The following ELMO1 variants were observed in gnomAD, a reference collection of about 807,000 sequenced individuals.
The protein encoded by ELMO1 is engulfment and cell motility 1.
In ELMO1, 26 loss-of-function variants were observed where a neutral mutation model predicts 98.9. The observed-to-expected ratio is 0.26, with a 90% CI of 0.19 to 0.36. The LOEUF is 0.36. Among genes scored for constraint, ELMO1 ranks in the 10% least tolerant of loss-of-function variants. The pLI is 1.00. For synonymous variants in ELMO1, 346 were observed against 346.0 expected (o/e 1.00, Z 0.00); for missense variants, 627 against 935.2 (o/e 0.67, Z 4.30).
chr7:37,261,992 C>T lies in ELMO1; in HGVS notation c.244-2642G>A, dbSNP rs546243843. Among the ~76,000 whole-genome samples the T allele has an allele frequency of 2.6e-5, 4 of 152,192 alleles. No individual in the cohort carries two copies. The South Asian group carries it at 6.2e-4, about 24-fold the overall frequency. On this transcript the variant is annotated intron_variant, in intron 5 of 21. Transcript: ENST00000310758. ...CAGTACCTAAAGAAAATGTGCTTGC[C>T]CTTTTAAAAGCTGTGCACCTTTAAG... is the stretch of plus-strand genomic sequence containing the variant.
At chr7:37,060,448 G>C (rs1796607622) in intron 15 of ELMO1, among the ~76,000 whole-genome samples, 1 of 152,132 alleles carries the variant, frequency 6.6e-6, no homozygotes. Context: ...ATAAGTGGGA[G>C]CTAAACGCTG....
intron 16 of ELMO1, among the ~76,000 whole-genome samples, chr7:36,974,785 G>A (rs189992716): frequency 1.3e-5 from 2 of 152,296 alleles, no homozygotes; most frequent in Admixed American, 1.3e-4. Context: ...GGTCCACACT[G>A]CTTTTATGAG....
intron 13 of ELMO1, among the ~76,000 whole-genome samples, chr7:37,188,432 AC>A (rs1791348538): frequency 2.5e-5 from 1 of 40,552 alleles, no homozygotes; most frequent in South Asian, 1.7e-3. Flanking sequence ...ACACACACAC[AC>A]ACACACACAC....
chr7:37,096,805 G>T, intron 14 of ELMO1, 78 bp from the exon 15 acceptor site: 1 of 1,282,464 alleles, frequency 7.8e-7, no homozygotes, highest in Non-Finnish European at 1.1e-6. Context: ...CATTCCAATA[G>T]ATGAATACAT....
intron 13 of ELMO1, among the ~76,000 whole-genome samples, chr7:37,163,800 G>C (rs951443581): frequency 1.3e-5 from 2 of 152,088 alleles, no homozygotes; most frequent in Non-Finnish European, 2.9e-5. Flanking sequence ...ATAAACATAC[G>C]TGTGCATGTG....
intron 13 of ELMO1, among the ~76,000 whole-genome samples, chr7:37,159,421 C>T (rs1386055847): frequency 6.6e-6 from 1 of 152,156 alleles, no homozygotes; most frequent in African/African-American, 2.4e-5. Flanking sequence ...TTTCAGGGGG[C>T]TGGGCACGGT....
chr7:37,080,107 C>T (rs570154968), intron 15 of ELMO1, among the ~76,000 whole-genome samples: 3 of 152,166 alleles, frequency 2.0e-5, no homozygotes, highest in Non-Finnish European at 4.4e-5. Flanking sequence ...CTCTTATTCC[C>T]CACTCCACAT....
At chr7:37,382,768 T>C (rs1334026266) in intron 1 of ELMO1, among the ~76,000 whole-genome samples, 1 of 152,034 alleles carries the variant, frequency 6.6e-6, no homozygotes, top group African/African-American at 2.4e-5. Flanking sequence ...TTTGTTAAGA[T>C]ACTAGATAAG....
chr7:37,058,611 C>G (rs929007262), intron 15 of ELMO1, among the ~76,000 whole-genome samples: 2 of 152,086 alleles, frequency 1.3e-5, no homozygotes, highest in Non-Finnish European at 2.9e-5. Context: ...AAATGCACAC[C>G]TTTTGAAGGT....
At chr7:36,994,838 G>T (rs374757552) in intron 16 of ELMO1, among the ~76,000 whole-genome samples, 29 of 152,336 alleles carry the variant, frequency 1.9e-4, no homozygotes, top group South Asian at 8.3e-4. Context: ...AAGGGCTTTT[G>T]ATCTCAGTAC....
chr7:37,135,729 G>A (rs1787225690), intron 13 of ELMO1, among the ~76,000 whole-genome samples: 1 of 152,170 alleles, frequency 6.6e-6, no homozygotes, highest in Non-Finnish European at 1.5e-5. Flanking sequence ...CTGAACAGTA[G>A]TCCTTGAGTC....
At chr7:36,970,907 A>G (rs1280367425) in intron 16 of ELMO1, among the ~76,000 whole-genome samples, 5 of 152,212 alleles carry the variant, frequency 3.3e-5, no homozygotes, top group African/African-American at 4.8e-5. Context: ...TGAGGGAGAC[A>G]TGAGGGGAGA....
chr7:37,097,730 C>T (rs1220245252), intron 14 of ELMO1, among the ~76,000 whole-genome samples: 1 of 152,058 alleles, frequency 6.6e-6, no homozygotes. Flanking sequence ...GATGTTGGCC[C>T]TCAGAAAAAA....
chr7:37,311,611 C>A (rs1438705269), intron 4 of ELMO1, among the ~76,000 whole-genome samples: 1 of 152,164 alleles, frequency 6.6e-6, no homozygotes, highest in Non-Finnish European at 1.5e-5. Flanking sequence ...CTGAAGGCAG[C>A]CCAGGATCGA....
intron 5 of ELMO1, among the ~76,000 whole-genome samples, chr7:37,265,504 G>C (rs962685162): frequency 6.6e-6 from 1 of 151,980 alleles, no homozygotes; most frequent in Non-Finnish European, 1.5e-5. Flanking sequence ...AGAGTAGCTC[G>C]AAAGTGTTGC....
intron 13 of ELMO1, among the ~76,000 whole-genome samples, chr7:37,164,628 G>C (rs1215202265): frequency 6.6e-6 from 1 of 152,002 alleles, no homozygotes; most frequent in Admixed American, 6.6e-5. Context: ...TCTCAGGTTT[G>C]TCAAAGATCA....
chr7:37,086,462 G>T (rs1223980612), intron 15 of ELMO1, among the ~76,000 whole-genome samples: 11 of 151,652 alleles, frequency 7.3e-5, no homozygotes, highest in Non-Finnish European at 1.5e-4. Context: ...AGTTATTTTG[G>T]CCAGGCGCAG....
intron 15 of ELMO1, among the ~76,000 whole-genome samples, chr7:37,083,437 T>A (rs1042893894): frequency 7.9e-5 from 12 of 152,046 alleles, no homozygotes; most frequent in African/African-American, 2.7e-4. Flanking sequence ...AACCAGCAGA[T>A]TTCCATTTAA....
At chr7:37,018,835 C>T (rs1794107674) in intron 15 of ELMO1, among the ~76,000 whole-genome samples, 1 of 152,180 alleles carries the variant, frequency 6.6e-6, no homozygotes, top group Non-Finnish European at 1.5e-5. Flanking sequence ...CTATTAGTTA[C>T]TATTTTTAAT....
Sources: gnomAD v4.1 joint callset for allele counts (sites outside exome capture counted in the v4.1 genomes callset) on GRCh38, gnomAD v4.1.1 for gene constraint, MANE v1.5 for transcripts, NCBI Gene and HGNC (gene_info 2026-07-23, HGNC 2026-07-21) for gene names.